NFKB1: variants seen among roughly 807,000 people sequenced by gnomAD.
NFKB1 encodes the protein nuclear factor NF-kappa-B p105 subunit.
A neutral mutation model predicts 105.1 loss-of-function variants in NFKB1; 9 were observed. That is an observed-to-expected ratio of 0.09 (90% confidence interval 0.05 to 0.15). The LOEUF is 0.15. Among genes scored for constraint, NFKB1 ranks in the 10% least tolerant of loss-of-function variants. NFKB1 has a pLI of 1.00. For synonymous variants in NFKB1, 440 were observed against 442.2 expected, an observed-to-expected ratio of 1.00 and a Z score of 0.06; for missense variants, 830 against 1,203.7, an observed-to-expected ratio of 0.69 and a Z score of 4.59.
chr4:102,590,346 C>G (rs573691024), intron 11 of NFKB1, among the ~76,000 whole-genome samples: 5 of 152,288 alleles, frequency 3.3e-5, no homozygotes, highest in Admixed American at 2.0e-4. Context: ...CCAAACAGTT[C>G]CATTTCTCAG....
chr4:102,522,526 G>A (rs1388077112), intron 1 of NFKB1, among the ~76,000 whole-genome samples: 1 of 152,184 alleles, frequency 6.6e-6, no homozygotes, highest in Non-Finnish European at 1.5e-5. Flanking sequence ...TTTCATTAAG[G>A]TTTTAGCTAT....
intron 5 of NFKB1, among the ~76,000 whole-genome samples, chr4:102,557,932 A>G (rs2149154193): frequency 1.3e-5 from 2 of 152,256 alleles, no homozygotes; most frequent in East Asian, 3.9e-4. Context: ...GCCCCCAGCC[A>G]GAAACCCTGC....
intron 15 of NFKB1, 112 bp downstream of exon 15, chr4:102,597,773 T>C: frequency 8.0e-7 from 1 of 1,252,912 alleles, no homozygotes; most frequent in Non-Finnish European, 1.1e-6. Flanking sequence ...TTGAGTCCTC[T>C]AACTGGAATG....
At position 102,546,755 on chromosome 4, in the gene NFKB1, T is replaced by C. The variant is rs1009132782; in HGVS notation, c.258+8799T>C. Among the ~76,000 whole-genome samples, 9 of 152,172 alleles carry C rather than the reference T, an allele frequency of 5.9e-5. No individual in the cohort carries two copies. The East Asian group carries it at 1.5e-3, about 26-fold the overall frequency. On this transcript the variant is annotated intron_variant, in intron 5 of 23. Coordinates refer to ENST00000226574, the MANE Select transcript of NFKB1 (RefSeq NM_003998.4). ...ATTGAAACTGCAATCACCCACTTAA[T>C]TCAGGACTCTCTCAGGGCTATAGTT...
intron 21 of NFKB1, 36 bp from the exon 22 acceptor site, chr4:102,612,398 G>T (rs1479007843): frequency 1.2e-5 from 20 of 1,601,642 alleles, no homozygotes; most frequent in Non-Finnish European, 1.7e-5. Flanking sequence ...TCTATGGCAT[G>T]TTAGAACAAG....
chr4:102,561,564 A>T (rs1410979764), intron 5 of NFKB1, among the ~76,000 whole-genome samples: 2 of 152,168 alleles, frequency 1.3e-5, no homozygotes, highest in South Asian at 2.1e-4. Flanking sequence ...AGAAAAAATG[A>T]TCATGTCACA....
chr4:102,604,233 A>G (rs1292924650), intron 16 of NFKB1, among the ~76,000 whole-genome samples: 2 of 152,192 alleles, frequency 1.3e-5, no homozygotes, highest in Non-Finnish European at 2.9e-5. Flanking sequence ...ATACTCTCAC[A>G]TACAATCCAC....
rs190792609 is a variant in NFKB1 at position 102,524,727 on chromosome 4, C to T, written c.-7-785C>T. 1.7e-3 allele frequency among the ~76,000 whole-genome samples: 257 copies of T among 152,206 alleles called. 4 individuals carry two copies. Among genetic ancestry groups the T allele is most frequent in the Admixed American group, 0.017 (256 of 15,274 alleles). The stretch of plus-strand genomic sequence containing the variant: ...CGGGAGACAGTGACCCATCTGGAGA[C>T]AGTGACAGTGATCATCAGGCGTTAG... On this transcript the variant is annotated intron_variant, in intron 1 of 23. Transcript: ENST00000226574.
At chr4:102,561,263 TC>T (rs1365497184) in intron 5 of NFKB1, among the ~76,000 whole-genome samples, 306 of 117,232 alleles carry the variant, frequency 2.6e-3, no homozygotes, top group African/African-American at 0.012. Flanking sequence ...TTTCTTTCTT[TC>T]CTTTTTTTTT....
At chr4:102,574,474 G>T (rs1724649458) in intron 6 of NFKB1, among the ~76,000 whole-genome samples, 1 of 151,250 alleles carries the variant, frequency 6.6e-6, no homozygotes, top group South Asian at 2.1e-4. Flanking sequence ...ATCTCTGAGT[G>T]TATCTCTGTT....
At chr4:102,554,416 G>A (rs540172902) in intron 5 of NFKB1, among the ~76,000 whole-genome samples, 18 of 152,190 alleles carry the variant, frequency 1.2e-4, no homozygotes, top group Admixed American at 2.6e-4. Context: ...CCATTATACC[G>A]AAATGAAAAT....
intron 16 of NFKB1, among the ~76,000 whole-genome samples, chr4:102,604,998 A>T (rs895487639): frequency 6.6e-6 from 1 of 151,848 alleles, no homozygotes; most frequent in African/African-American, 2.4e-5. Flanking sequence ...TCTCCGACTC[A>T]TAAGATATTT....
chr4:102,544,113 T>G lies in NFKB1; in HGVS notation c.258+6157T>G, dbSNP rs527954841. Among the ~76,000 whole-genome samples, 3 of 152,322 alleles carry G rather than the reference T, an allele frequency of 2.0e-5. No homozygotes were observed. In the South Asian group the frequency reaches 6.2e-4, roughly 32 times the overall value. On this transcript the variant is annotated intron_variant, in intron 5 of 23. Coordinates refer to ENST00000226574, the MANE Select transcript of NFKB1 (RefSeq NM_003998.4). ...AAATTTATATGCAGACTTACACATG[T>G]ATGTATGTGCATTTTTTCTTGGGAG...
chr4:102,537,849 C>T lies in NFKB1; in HGVS notation c.160-9C>T, dbSNP rs2149127868. The T allele has an allele frequency of 1.3e-6, 2 of 1,570,742 alleles. No homozygotes were observed. The highest frequency in any genetic ancestry group is 8.8e-7 in the Non-Finnish European group (1 of 1,141,532). On this transcript the variant is annotated splice_polypyrimidine_tract_variant and intron_variant, in intron 4 of 23. Coordinates refer to ENST00000226574, the MANE Select transcript of NFKB1 (RefSeq NM_003998.4). Reference sequence around the variant, plus strand: ...TCAAACTTAATTGGCTTAACGTTCACCTTTGCAGAGAGGATTTCGTTTCCG... The same window carrying T: ...TCAAACTTAATTGGCTTAACGTTCATCTTTGCAGAGAGGATTTCGTTTCCG...
At chr4:102,596,469 G>C in intron 14 of NFKB1, 137 bp downstream of exon 14, 1 of 615,216 alleles carries the variant, frequency 1.6e-6, no homozygotes, top group Non-Finnish European at 2.5e-6. Flanking sequence ...GTATGCCTTT[G>C]GAAAAGCATA....
chr4:102,589,562 T>C (rs192298507), intron 11 of NFKB1, among the ~76,000 whole-genome samples: 23 of 152,226 alleles, frequency 1.5e-4, no homozygotes, highest in African/African-American at 5.3e-4. Flanking sequence ...CCCTGCTTCA[T>C]CTTTCAACTG....
chr4:102,581,868 A>C (rs1205210923), intron 9 of NFKB1, among the ~76,000 whole-genome samples: 1 of 152,210 alleles, frequency 6.6e-6, no homozygotes, highest in Non-Finnish European at 1.5e-5. Context: ...AAAGAATCTC[A>C]ATAACTAGGT....
At chr4:102,536,866 A>G (rs1308648777) in intron 4 of NFKB1, among the ~76,000 whole-genome samples, 1 of 152,240 alleles carries the variant, frequency 6.6e-6, no homozygotes, top group African/African-American at 2.4e-5. Context: ...TCATCTGCTT[A>G]AGCGACTATG....
chr4:102,583,060 TC>T (rs901949903), intron 10 of NFKB1, 103 bp downstream of exon 10: 2 of 711,912 alleles, frequency 2.8e-6, no homozygotes, highest in Non-Finnish European at 4.6e-6. Context: ...GCTCACTGTA[TC>T]CCCCAACTGT....
Sources: gnomAD v4.1 joint callset for allele counts (sites outside exome capture counted in the v4.1 genomes callset) on GRCh38, gnomAD v4.1.1 for gene constraint, MANE v1.5 for transcripts, NCBI Gene and HGNC (gene_info 2026-07-23, HGNC 2026-07-21) for gene names.